AFF4: variants seen among roughly 807,000 people sequenced by gnomAD.
AFF4 encodes the protein ALF transcription elongation factor 4.
In AFF4, 13 loss-of-function variants were observed where a neutral mutation model predicts 124.8. That is an observed-to-expected ratio of 0.10 (90% CI 0.07 to 0.17). The LOEUF is 0.17. Among genes scored for constraint, AFF4 ranks in the 10% least tolerant of loss-of-function variants. The probability of loss-of-function intolerance (pLI) is 1.00; values close to 1 mark genes in which losing one functional copy is unlikely to be tolerated. For missense variants in AFF4, 1,092 were observed against 1,403.8 expected (o/e 0.78, Z 3.55); for synonymous variants, 477 against 496.1 (o/e 0.96, Z 0.51).
chr5:132,926,277 G>T (rs1257455747), intron 5 of AFF4: 3 of 440,164 alleles, frequency 6.8e-6, no homozygotes, highest in Admixed American at 4.7e-5. Context: ...ATTATTAGGG[G>T]GACTGGTAAA....
chr5:132,945,041 G>C (rs939139091), intron 1 of AFF4: 1 of 196,716 alleles, frequency 5.1e-6, no homozygotes, highest in African/African-American at 2.4e-5. Context: ...AAGCTCGGAA[G>C]ACTAAATGAA....
intron 13 of AFF4, 131 bp downstream of exon 13, chr5:132,892,033 A>G: frequency 7.5e-7 from 1 of 1,325,252 alleles, no homozygotes; most frequent in Non-Finnish European, 1.1e-6. Flanking sequence ...ATTATTACAT[A>G]TAGAGGGTAA....
chr5:132,959,415 C>G (rs1762031547), intron 1 of AFF4, among the ~76,000 whole-genome samples: 1 of 151,720 alleles, frequency 6.6e-6, no homozygotes, highest in African/African-American at 2.4e-5. Context: ...CCACCGGGCC[C>G]GGCAAGGTTA....
intron 7 of AFF4, among the ~76,000 whole-genome samples, chr5:132,902,155 C>G (rs1259441895): frequency 1.3e-5 from 2 of 152,178 alleles, no homozygotes; most frequent in African/African-American, 4.8e-5. Flanking sequence ...TCAAGTAATT[C>G]TCCTGCCTCA....
chr5:132,923,475 G>A (rs1426480629), intron 5 of AFF4, among the ~76,000 whole-genome samples: 1 of 152,134 alleles, frequency 6.6e-6, no homozygotes, highest in Non-Finnish European at 1.5e-5. Context: ...TTAGTGGTGG[G>A]CACAGTAGCT....
chr5:132,882,817 G>GTGC (rs1304017481), intron 20 of AFF4, among the ~76,000 whole-genome samples: 1 of 145,384 alleles, frequency 6.9e-6, no homozygotes, highest in African/African-American at 2.6e-5. Context: ...TCGTGCCACT[G>GTGC]TGCTCCAGCC....
intron 5 of AFF4, among the ~76,000 whole-genome samples, chr5:132,916,571 C>T (rs1018276956): frequency 1.3e-5 from 2 of 152,122 alleles, no homozygotes; most frequent in Non-Finnish European, 2.9e-5. Flanking sequence ...CTTAATACTT[C>T]AGCCCACTCC....
At chr5:132,904,701 T>G (rs1351308210) in intron 5 of AFF4, among the ~76,000 whole-genome samples, 1 of 152,216 alleles carries the variant, frequency 6.6e-6, no homozygotes, top group Non-Finnish European at 1.5e-5. Context: ...TTTAAAATTC[T>G]TGGTCTTAAG....
At chr5:132,901,629 T>C (rs1197758098) in intron 7 of AFF4, among the ~76,000 whole-genome samples, 4 of 152,220 alleles carry the variant, frequency 2.6e-5, no homozygotes, top group African/African-American at 9.6e-5. Flanking sequence ...TTCCTGCTTC[T>C]ACCAACAAAA....
chr5:132,883,268 C>G (rs930995991), intron 20 of AFF4, 72 bp downstream of exon 20: 128 of 1,394,606 alleles, frequency 9.2e-5, no homozygotes, highest in Non-Finnish European at 1.2e-4. Context: ...AGACTAAACG[C>G]TTACTTAACT....
At chr5:132,910,900 G>T (rs1049737092) in intron 5 of AFF4, among the ~76,000 whole-genome samples, 2 of 152,130 alleles carry the variant, frequency 1.3e-5, no homozygotes, top group Non-Finnish European at 2.9e-5. Flanking sequence ...TCCAAACATG[G>T]TGAGTAAGTG....
chr5:132,945,274 C>T (rs4705874), intron 1 of AFF4: 75,295 of 151,910 alleles, frequency 0.5, 18,872 homozygotes, highest in East Asian at 0.7. Context: ...CAGTACTGTT[C>T]AATGGAAGCG....
At position 132,925,029 on chromosome 5, in the gene AFF4, G is replaced by C. The variant is rs537039585; in HGVS notation, c.1050+2092C>G. ...GTCTCTACTAAAAATACAAAAATCA[G>C]CTGGGCGTGGTGGCGGGCACCTGTA... On this transcript the variant is annotated intron_variant, in intron 5 of 20. Transcript: ENST00000265343. Among the ~76,000 whole-genome samples, 4 of 151,994 alleles carry C rather than the reference G, an allele frequency of 2.6e-5. No individual in the cohort carries two copies. In the South Asian group the frequency reaches 6.2e-4, roughly 24 times the overall value.
At chr5:132,944,293 T>TTGCAGTGA (rs1253464203) in intron 1 of AFF4, among the ~76,000 whole-genome samples, 3 of 151,258 alleles carry the variant, frequency 2.0e-5, no homozygotes, top group Admixed American at 6.6e-5. Context: ...GCCGAGATCG[T>TTGCAGTGA]GCCGCTGCAC....
At chr5:132,950,765 GA>G (rs902817515) in intron 1 of AFF4, among the ~76,000 whole-genome samples, 2 of 151,996 alleles carry the variant, frequency 1.3e-5, no homozygotes, top group Admixed American at 6.6e-5. Flanking sequence ...AGTGACAAAG[GA>G]AAAAAACTCG....
chr5:132,906,771 T>C (rs1278625468), intron 5 of AFF4, among the ~76,000 whole-genome samples: 4 of 151,896 alleles, frequency 2.6e-5, no homozygotes, highest in African/African-American at 9.7e-5. Context: ...TATAGAGCAG[T>C]GGGCAAGAGG....
chr5:132,936,414 T>C (rs145772089), intron 2 of AFF4, among the ~76,000 whole-genome samples: 2 of 151,928 alleles, frequency 1.3e-5, no homozygotes, highest in Non-Finnish European at 2.9e-5. Context: ...ATGAAAAAAG[T>C]GATACCCAAA....
At chr5:132,899,209 A>G (rs1760486919) in intron 8 of AFF4, 68 bp from the exon 9 acceptor site, 1 of 1,450,612 alleles carries the variant, frequency 6.9e-7, no homozygotes, top group Non-Finnish European at 9.6e-7. Context: ...AGTGTGAATA[A>G]TATCTGAACT....
intron 14 of AFF4, 38 bp downstream of exon 14, chr5:132,889,041 T>G (rs543344384): frequency 1.3e-6 from 2 of 1,565,424 alleles, no homozygotes; most frequent in African/African-American, 2.7e-5. Context: ...ACTGGAATCA[T>G]TTCTTAAATA....
Sources: allele counts gnomAD v4.1 joint callset (sites outside exome capture counted in the v4.1 genomes callset), GRCh38; gene constraint gnomAD v4.1.1; transcripts MANE v1.5; gene names NCBI Gene and HGNC (gene_info 2026-07-23, HGNC 2026-07-21).